The following NPAS2 variants were observed in gnomAD, a reference collection of about 807,000 sequenced individuals.
NPAS2 encodes the protein neuronal PAS domain protein 2, also known as neuronal PAS domain-containing protein 2.
NPAS2 carries 23 observed loss-of-function variants against 107.5 expected under a neutral mutation model. The observed-to-expected ratio is 0.21, with a 90% CI of 0.15 to 0.30. The LOEUF (loss-of-function observed/expected upper bound fraction) is 0.30, where lower values mean the gene tolerates loss of function less well. Ranked by LOEUF, NPAS2 falls within the 10% of genes least tolerant of loss-of-function variation. The pLI, the probability that NPAS2 is intolerant of heterozygous loss-of-function variation, is 1.00. For synonymous variants in NPAS2, 403 were observed against 417.5 expected (o/e 0.97, Z 0.42); for missense variants, 756 against 1,043.3 (o/e 0.72, Z 3.79).
At chr2:100,942,589 T>C (rs980165370) in intron 5 of NPAS2, among the ~76,000 whole-genome samples, 3 of 152,102 alleles carry the variant, frequency 2.0e-5, no homozygotes, top group Non-Finnish European at 4.4e-5. Context: ...ATATGTTCAG[T>C]ATTAAATTGA....
chr2:100,938,899 G>A (rs1198442107), intron 5 of NPAS2, among the ~76,000 whole-genome samples: 4 of 151,892 alleles, frequency 2.6e-5, no homozygotes, highest in African/African-American at 7.3e-5. Context: ...CACCACCCCC[G>A]ACCCCTGCTC....
chr2:100,889,103 C>G (rs1311445888), intron 1 of NPAS2, among the ~76,000 whole-genome samples: 1 of 152,188 alleles, frequency 6.6e-6, no homozygotes, highest in Admixed American at 6.5e-5. Context: ...GATTTCTAGT[C>G]CTGCTGAGGC....
intron 8 of NPAS2, 90 bp downstream of exon 8, chr2:100,964,266 T>G: frequency 2.2e-6 from 2 of 900,628 alleles, no homozygotes; most frequent in Non-Finnish European, 3.7e-6. Flanking sequence ...TGGGAGGGAA[T>G]AAATTGCAGT....
At chr2:100,868,365 A>G (rs1679374405) in intron 1 of NPAS2, among the ~76,000 whole-genome samples, 1 of 152,178 alleles carries the variant, frequency 6.6e-6, no homozygotes. Flanking sequence ...CTGCCCATCC[A>G]GTTGCTGTTC....
At position 100,974,963 on chromosome 2, in the gene NPAS2, A is replaced by G. The variant is rs750860037; in HGVS notation, c.1282+19A>G. 1 of 1,613,256 alleles carries G rather than the reference A, an allele frequency of 6.2e-7. No homozygotes were observed. Among genetic ancestry groups the G allele is most frequent in the Admixed American group, 1.7e-5 (1 of 59,952 alleles). ...CCCACCTGTGAGTGCGAGTCCATGG[A>G]TGGGGAGTGGGATGTCCACATCAGA... On this transcript the variant is annotated intron_variant, in intron 13 of 20. Transcript: ENST00000335681.
At chr2:100,948,655 A>G (rs1052329679) in intron 6 of NPAS2, among the ~76,000 whole-genome samples, 22 of 152,336 alleles carry the variant, frequency 1.4e-4, no homozygotes, top group African/African-American at 5.1e-4. Flanking sequence ...TTTAGTAAGA[A>G]ACAGTGCAAA....
At chr2:100,946,959 A>G (rs1674932952) in intron 5 of NPAS2, among the ~76,000 whole-genome samples, 1 of 152,300 alleles carries the variant, frequency 6.6e-6, no homozygotes, top group South Asian at 2.1e-4. Flanking sequence ...ATGCAAACAC[A>G]AGGGTTGGAG....
At chr2:100,956,724 G>A (rs1675590261) in intron 7 of NPAS2, among the ~76,000 whole-genome samples, 1 of 152,168 alleles carries the variant, frequency 6.6e-6, no homozygotes, top group Non-Finnish European at 1.5e-5. Context: ...AGAGGAGAAA[G>A]GGTGAGGCTG....
chr2:100,872,524 C>T (rs897071187), intron 1 of NPAS2, among the ~76,000 whole-genome samples: 1 of 152,106 alleles, frequency 6.6e-6, no homozygotes, highest in Admixed American at 6.5e-5. Context: ...AGATTTAAAG[C>T]ACCAAAGCAG....
At chr2:100,920,067 A>G (rs1683127317) in intron 2 of NPAS2, among the ~76,000 whole-genome samples, 1 of 152,150 alleles carries the variant, frequency 6.6e-6, no homozygotes, top group Non-Finnish European at 1.5e-5. Flanking sequence ...ATCAGAGAAT[A>G]TAGAACAAAT....
chr2:100,827,067 G>A (rs1676435209), intron 1 of NPAS2, among the ~76,000 whole-genome samples: 1 of 152,144 alleles, frequency 6.6e-6, no homozygotes, highest in Admixed American at 6.5e-5. Flanking sequence ...TGAAATAGAG[G>A]TTGTCTATGA....
At chr2:100,837,364 A>C (rs1161528082) in intron 1 of NPAS2, among the ~76,000 whole-genome samples, 1 of 152,200 alleles carries the variant, frequency 6.6e-6, no homozygotes, top group Non-Finnish European at 1.5e-5. Context: ...GCTGGAATGC[A>C]ATGGTGCGAT....
At chr2:100,925,426 A>G in intron 3 of NPAS2, 132 bp downstream of exon 3, 5 of 912,046 alleles carry the variant, frequency 5.5e-6, no homozygotes, top group Non-Finnish European at 6.6e-6. Flanking sequence ...AGGGCTTCCC[A>G]TTGTAAAGAC....
intron 1 of NPAS2, among the ~76,000 whole-genome samples, chr2:100,829,183 G>GTTGTTTTTTTTTTTTTTT (rs1676574964): frequency 8.3e-6 from 1 of 121,172 alleles, no homozygotes; most frequent in African/African-American, 4.4e-5. Context: ...TGTGTGTTTT[G>GTTGTTTTTTTTTTTTTTT]TTGTTTTTTT....
chr2:100,837,065 C>A (rs1337836372), intron 1 of NPAS2, among the ~76,000 whole-genome samples: 1 of 152,024 alleles, frequency 6.6e-6, no homozygotes, highest in Non-Finnish European at 1.5e-5. Flanking sequence ...TAGAGCCATA[C>A]AGCAGCGGGA....
chr2:100,981,144 T>C (rs1311819876), intron 15 of NPAS2, among the ~76,000 whole-genome samples: 1 of 152,152 alleles, frequency 6.6e-6, no homozygotes, highest in Admixed American at 6.5e-5. Flanking sequence ...TTCATCCTGT[T>C]TCTCAACTCT....
chr2:100,865,341 A>G (rs1679185794), intron 1 of NPAS2, among the ~76,000 whole-genome samples: 1 of 152,128 alleles, frequency 6.6e-6, no homozygotes, highest in South Asian at 2.1e-4. Flanking sequence ...CTTTGGATGC[A>G]TGTTCAACCT....
chr2:100,972,702 A>G (rs549680997), intron 12 of NPAS2: 19 of 152,356 alleles, frequency 1.2e-4, no homozygotes, highest in African/African-American at 4.3e-4. Context: ...TACATTATGT[A>G]TCACGTCATA....
intron 7 of NPAS2, among the ~76,000 whole-genome samples, chr2:100,959,108 A>ACAAAAAAG (rs1239627483): frequency 2.3e-5 from 1 of 43,438 alleles, no homozygotes; most frequent in African/African-American, 9.2e-5. Context: ...AAAAAAAAAA[A>ACAAAAAAG]ACAAAACTAA....
Sources: allele counts gnomAD v4.1 joint callset (sites outside exome capture counted in the v4.1 genomes callset), GRCh38; gene constraint gnomAD v4.1.1; transcripts MANE v1.5; gene names NCBI Gene and HGNC (gene_info 2026-07-23, HGNC 2026-07-21).